RARB: variants seen among roughly 807,000 people sequenced by gnomAD.
The protein encoded by RARB is HBV-activated protein.
RARB carries 17 observed loss-of-function variants against 51.9 expected under a neutral mutation model. The observed-to-expected ratio is 0.33, with a 90% CI of 0.22 to 0.49. The LOEUF (loss-of-function observed/expected upper bound fraction) is 0.49, where lower values mean the gene tolerates loss of function less well. Among genes scored for constraint, RARB ranks in the 20% least tolerant of loss-of-function variants. The pLI, the probability that RARB is intolerant of heterozygous loss-of-function variation, is 0.99. For missense variants in RARB, 369 were observed against 550.8 expected (o/e 0.67, Z 3.30); for synonymous variants, 215 against 195.4 (o/e 1.10, Z -0.84).
chr3:25,476,444 T>C (rs1695947855), intron 2 of RARB, among the ~76,000 whole-genome samples: 1 of 152,160 alleles, frequency 6.6e-6, no homozygotes, highest in Admixed American at 6.5e-5. Context: ...TATTTGGCTG[T>C]GCCTTCTATT....
intron 2 of RARB, among the ~76,000 whole-genome samples, chr3:25,033,289 T>C (rs895032706): frequency 2.2e-4 from 33 of 152,040 alleles, no homozygotes; most frequent in African/African-American, 7.7e-4. Context: ...AAAGTAGGGG[T>C]CACTCATCTA....
chr3:25,121,872 T>C (rs545071367), intron 3 of RARB, among the ~76,000 whole-genome samples: 2 of 152,326 alleles, frequency 1.3e-5, no homozygotes, highest in East Asian at 3.9e-4. Flanking sequence ...TTGAGCTTTT[T>C]GGAGGATTAT....
At chr3:25,365,421 T>C (rs1281015869) in intron 5 of RARB, among the ~76,000 whole-genome samples, 4 of 151,922 alleles carry the variant, frequency 2.6e-5, no homozygotes, top group African/African-American at 9.7e-5. Flanking sequence ...TCATCCATGC[T>C]TTCTACTCTC....
chr3:24,878,280 T>C (rs1703087757), intron 2 of RARB, among the ~76,000 whole-genome samples: 1 of 152,124 alleles, frequency 6.6e-6, no homozygotes, highest in African/African-American at 2.4e-5. Flanking sequence ...TCTTTTACTT[T>C]AGGTGTGTCC....
intron 2 of RARB, among the ~76,000 whole-genome samples, chr3:25,035,768 A>G (rs4858693): frequency 0.41 from 62,267 of 152,044 alleles, 12,849 homozygotes; most frequent in South Asian, 0.56. Context: ...TATATGGAAA[A>G]GAATGGGTGT....
At chr3:25,090,832 G>A (rs562565659) in intron 3 of RARB, among the ~76,000 whole-genome samples, 74 of 152,188 alleles carry the variant, frequency 4.9e-4, no homozygotes, top group Non-Finnish European at 9.9e-4. Context: ...CACAACAACC[G>A]TCTCTTGTTC....
At chr3:25,530,421 G>A (rs980843508) in intron 3 of RARB, among the ~76,000 whole-genome samples, 3 of 152,172 alleles carry the variant, frequency 2.0e-5, no homozygotes, top group Admixed American at 1.3e-4. Flanking sequence ...GAGGTCTGAC[G>A]TCCACAATGG....
At chr3:25,575,157 C>T (rs1575533281) in intron 4 of RARB, among the ~76,000 whole-genome samples, 1 of 152,106 alleles carries the variant, frequency 6.6e-6, no homozygotes, top group Non-Finnish European at 1.5e-5. Context: ...TTAGATCCCT[C>T]GCATGCGCAC....
intron 2 of RARB, among the ~76,000 whole-genome samples, chr3:24,962,995 C>T (rs999176082): frequency 1.3e-5 from 2 of 152,166 alleles, no homozygotes; most frequent in South Asian, 2.1e-4. Flanking sequence ...AGCCTGCCTA[C>T]AGATTCCTAT....
At position 25,075,184 on chromosome 3, in the gene RARB, C is replaced by T. The variant is rs549077998; in HGVS notation, c.-328+15008C>T. On this transcript the variant is annotated intron_variant, in intron 3 of 11. Coordinates refer to the RARB transcript ENST00000383772. ...ATTTAGCTAGTGCCCCGACACTTGA[C>T]GTAAAATTGCAATACAATTAGAGTG... 4.6e-5 allele frequency among the ~76,000 whole-genome samples: 7 copies of T among 152,236 alleles called. No individual in the cohort carries two copies. In the South Asian group the frequency reaches 1.2e-3, roughly 27 times the overall value.
intron 2 of RARB, among the ~76,000 whole-genome samples, chr3:24,879,535 A>T (rs189254618): frequency 7.3e-6 from 1 of 136,738 alleles, no homozygotes; most frequent in African/African-American, 2.8e-5. Flanking sequence ...ATCAAGAATC[A>T]CTTTAAAGCT....
chr3:25,430,035 A>C (rs1484991659), intron 1 of RARB, among the ~76,000 whole-genome samples: 10 of 152,236 alleles, frequency 6.6e-5, no homozygotes, highest in African/African-American at 2.4e-4. Context: ...GGACAATGAC[A>C]GGATTTAAAT....
chr3:25,117,889 T>A (rs1699717830), intron 3 of RARB, among the ~76,000 whole-genome samples: 1 of 152,146 alleles, frequency 6.6e-6, no homozygotes, highest in Admixed American at 6.6e-5. Flanking sequence ...AAAGAAGATA[T>A]AATCAATAAA....
intron 5 of RARB, among the ~76,000 whole-genome samples, chr3:25,589,028 T>C (rs760989018): frequency 6.6e-5 from 10 of 152,200 alleles, no homozygotes; most frequent in Non-Finnish European, 1.3e-4. Flanking sequence ...GATCAAAGAA[T>C]TTGCACACAT....
chr3:25,438,121 G>A (rs953441827), intron 1 of RARB, among the ~76,000 whole-genome samples: 1 of 152,218 alleles, frequency 6.6e-6, no homozygotes, highest in Non-Finnish European at 1.5e-5. Flanking sequence ...GGTGGTGGAT[G>A]TTGGTTGTCG....
At chr3:24,953,943 G>A (rs1009878518) in intron 2 of RARB, among the ~76,000 whole-genome samples, 3 of 152,120 alleles carry the variant, frequency 2.0e-5, no homozygotes, top group Non-Finnish European at 4.4e-5. Flanking sequence ...ACAGTAAATC[G>A]AGCTTTGTTT....
At chr3:25,494,829 G>A (rs911233340) in intron 2 of RARB, among the ~76,000 whole-genome samples, 3 of 152,194 alleles carry the variant, frequency 2.0e-5, no homozygotes, top group African/African-American at 4.8e-5. Flanking sequence ...AACATAGAAT[G>A]TGTATGGGAA....
intron 2 of RARB, among the ~76,000 whole-genome samples, chr3:24,889,477 G>A (rs758750234): frequency 2.7e-4 from 41 of 152,018 alleles, no homozygotes; most frequent in Non-Finnish European, 4.7e-4. Flanking sequence ...AAAATAGCAA[G>A]GCAAACCATA....
chr3:24,891,779 A>AGAT (rs1223264952), intron 2 of RARB, among the ~76,000 whole-genome samples: 10 of 152,106 alleles, frequency 6.6e-5, no homozygotes, highest in African/African-American at 2.2e-4. Flanking sequence ...ATCCTAGAGT[A>AGAT]GATAAGTTGA....
Sources: gnomAD v4.1 joint callset for allele counts (sites outside exome capture counted in the v4.1 genomes callset) on GRCh38, gnomAD v4.1.1 for gene constraint, MANE v1.5 for transcripts, NCBI Gene and HGNC (gene_info 2026-07-23, HGNC 2026-07-21) for gene names.